The following COL13A1 variants were observed in gnomAD, a reference collection of about 807,000 sequenced individuals.
COL13A1 encodes the protein collagen type XIII alpha 1 chain, also known as collagen alpha-1(XIII) chain.
COL13A1 carries 89 observed loss-of-function variants against 130.9 expected under a neutral mutation model. The observed-to-expected ratio is 0.68, with a 90% confidence interval of 0.57 to 0.81. The LOEUF is 0.81. Ranked by LOEUF, COL13A1 falls within the 30% of genes least tolerant of loss-of-function variation. COL13A1 has a pLI of 0.00. For missense variants in COL13A1, 879 were observed against 934.6 expected, an observed-to-expected ratio of 0.94 and a Z score of 0.78; for synonymous variants, 402 against 341.6, an observed-to-expected ratio of 1.18 and a Z score of -1.95.
At chr10:69,894,822 C>G in intron 12 of COL13A1, 121 bp downstream of exon 12, 1 of 1,325,748 alleles carries the variant, frequency 7.5e-7, no homozygotes, top group African/African-American at 1.4e-5. Context: ...CAGGAAAGCC[C>G]CCGAGGTGCC....
intron 7 of COL13A1, among the ~76,000 whole-genome samples, chr10:69,882,693 C>T (rs188491569): frequency 5.3e-5 from 8 of 152,336 alleles, no homozygotes; most frequent in Admixed American, 3.3e-4. Flanking sequence ...ATGTTTGAAA[C>T]GCTACGTTTA....
intron 35 of COL13A1, among the ~76,000 whole-genome samples, chr10:69,941,452 C>T (rs771133312): frequency 5.9e-5 from 9 of 152,294 alleles, no homozygotes; most frequent in East Asian, 1.9e-4. Flanking sequence ...TGTCTTCCCA[C>T]GAGGGCCTCC....
intron 2 of COL13A1, among the ~76,000 whole-genome samples, chr10:69,836,748 A>AGACCCTGGGGAGCCTCC (rs1850173440): frequency 6.6e-6 from 1 of 152,176 alleles, no homozygotes; most frequent in Non-Finnish European, 1.5e-5. Context: ...CCTCAGCCTC[A>AGACCCTGGGGAGCCTCC]TGGAGACCCT....
At chr10:69,821,412 T>C (rs1419228730) in intron 1 of COL13A1, among the ~76,000 whole-genome samples, 1 of 152,222 alleles carries the variant, frequency 6.6e-6, no homozygotes, top group East Asian at 1.9e-4. Context: ...TGCAGTCTCC[T>C]CTCTGTGCTT....
intron 6 of COL13A1, among the ~76,000 whole-genome samples, chr10:69,880,081 G>A (rs1227754641): frequency 6.6e-6 from 1 of 152,088 alleles, no homozygotes; most frequent in Non-Finnish European, 1.5e-5. Flanking sequence ...GAGAGACTCA[G>A]GCCTGGGCAG....
At chr10:69,842,255 G>A (rs12571349) in intron 2 of COL13A1, among the ~76,000 whole-genome samples, 47,384 of 152,000 alleles carry the variant, frequency 0.31, 7,947 homozygotes, top group East Asian at 0.5. Flanking sequence ...TTTCTCTCTC[G>A]CCTGCCGCCA....
At chr10:69,836,600 C>T (rs1850138324) in intron 2 of COL13A1, among the ~76,000 whole-genome samples, 5 of 152,350 alleles carry the variant, frequency 3.3e-5, no homozygotes, top group African/African-American at 1.2e-4. Context: ...CCCCTCCAGC[C>T]TTTGCCATCT....
intron 30 of COL13A1, chr10:69,931,091 G>A: frequency 2.2e-6 from 1 of 448,518 alleles, no homozygotes; most frequent in South Asian, 1.6e-5. Context: ...ATCCTGTGCA[G>A]GCCACAGTTG....
At chr10:69,837,244 C>T (rs934267219) in intron 2 of COL13A1, among the ~76,000 whole-genome samples, 8 of 152,238 alleles carry the variant, frequency 5.3e-5, no homozygotes, top group African/African-American at 1.9e-4. Context: ...CATGGGGGAC[C>T]TTACCAATGA....
At chr10:69,929,965 G>A (rs924471199) in intron 28 of COL13A1, 78 bp from the exon 29 acceptor site, 17 of 1,187,874 alleles carry the variant, frequency 1.4e-5, no homozygotes, top group African/African-American at 3.0e-5. Flanking sequence ...GTGGGATGCC[G>A]GGTGCACTAA....
chr10:69,822,567 A>G, intron 2 of COL13A1, 129 bp downstream of exon 2: 1 of 668,828 alleles, frequency 1.5e-6, no homozygotes. Flanking sequence ...AGGAGTGACA[A>G]TATCTGTGGT....
At chr10:69,844,705 A>T (rs1226238352) in intron 2 of COL13A1, among the ~76,000 whole-genome samples, 1 of 152,246 alleles carries the variant, frequency 6.6e-6, no homozygotes, top group Admixed American at 6.5e-5. Context: ...GAAGTGTTTG[A>T]GTAGGACTTA....
At chr10:69,943,135 A>G (rs1247066667) in intron 35 of COL13A1, among the ~76,000 whole-genome samples, 1 of 152,204 alleles carries the variant, frequency 6.6e-6, no homozygotes, top group Non-Finnish European at 1.5e-5. Flanking sequence ...GCCGTGAGCC[A>G]CTGCGCCCAG....
At chr10:69,805,011 C>G (rs1323623503) in intron 1 of COL13A1, among the ~76,000 whole-genome samples, 1 of 151,938 alleles carries the variant, frequency 6.6e-6, no homozygotes, top group East Asian at 1.9e-4. Context: ...AAGCCTTGTT[C>G]TAAGGGGACA....
intron 18 of COL13A1, 26 bp from the exon 19 acceptor site, chr10:69,918,259 G>A: frequency 6.2e-7 from 1 of 1,610,682 alleles, no homozygotes. Flanking sequence ...AATGTCTTCA[G>A]ACCTTTTTTT....
chr10:69,860,483 T>C (rs1163748280), intron 2 of COL13A1, among the ~76,000 whole-genome samples: 2 of 152,200 alleles, frequency 1.3e-5, no homozygotes, highest in East Asian at 1.9e-4. Flanking sequence ...TCTGAGGAAC[T>C]CAGCCACTTC....
chr10:69,936,671 G>T, intron 32 of COL13A1, 85 bp from the exon 33 acceptor site: 1 of 1,548,838 alleles, frequency 6.5e-7, no homozygotes, highest in East Asian at 2.3e-5. Context: ...CAAAACCCTT[G>T]TTCTTCTGTG....
chr10:69,849,716 C>G (rs12357951), intron 2 of COL13A1, among the ~76,000 whole-genome samples: 32,123 of 152,076 alleles, frequency 0.21, 3,586 homozygotes, highest in Middle Eastern at 0.38. Flanking sequence ...CCAGCGCAGA[C>G]CTCTGCTGTG....
chr10:69,914,314 C>T (rs2063691702), intron 17 of COL13A1, among the ~76,000 whole-genome samples: 2 of 152,108 alleles, frequency 1.3e-5, no homozygotes, highest in South Asian at 4.2e-4. Flanking sequence ...GAGCTGCCAA[C>T]CAAGCCAAAT....
Sources: allele counts gnomAD v4.1 joint callset (sites outside exome capture counted in the v4.1 genomes callset), GRCh38; gene constraint gnomAD v4.1.1; transcripts MANE v1.5; gene names NCBI Gene and HGNC (gene_info 2026-07-23, HGNC 2026-07-21).